The following PPARGC1A variants were observed in gnomAD, a reference collection of about 807,000 sequenced individuals.
The protein encoded by PPARGC1A is peroxisome proliferator-activated receptor gamma coactivator 1-alpha.
Under a neutral mutation model 88.7 loss-of-function variants are expected in PPARGC1A, and 25 were observed. The ratio of observed to expected loss-of-function variants is 0.28; its 90% CI spans 0.21 to 0.39. PPARGC1A has a LOEUF of 0.39. PPARGC1A is among the 10% of genes least tolerant of loss of function. The pLI is 1.00. For missense variants in PPARGC1A, 880 were observed against 968.7 expected (o/e 0.91, Z 1.22); for synonymous variants, 363 against 355.6 (o/e 1.02, Z -0.24).
chr4:24,379,023 G>A, the PPARGC1A span, among the ~76,000 whole-genome samples: 1 of 152,098 alleles, frequency 6.6e-6, no homozygotes, highest in South Asian at 2.1e-4. Flanking sequence ...GACTTGTATT[G>A]TGGTAAATCT....
intron 2 of PPARGC1A, among the ~76,000 whole-genome samples, chr4:23,870,422 A>G (rs1713051905): frequency 6.6e-6 from 1 of 152,220 alleles, no homozygotes; most frequent in Non-Finnish European, 1.5e-5. Context: ...CCAGACTGTC[A>G]TATTTTCAGG....
the PPARGC1A span, among the ~76,000 whole-genome samples, chr4:24,099,962 G>C: frequency 5.1e-5 from 7 of 138,078 alleles, no homozygotes; most frequent in Admixed American, 1.5e-4. Flanking sequence ...CACACACCGG[G>C]GGCCTGTTGT....
At chr4:24,313,078 TG>T in the PPARGC1A span, among the ~76,000 whole-genome samples, 1 of 151,828 alleles carries the variant, frequency 6.6e-6, no homozygotes, top group African/African-American at 2.4e-5. Context: ...AAATGGTGTT[TG>T]AAAACAAACA....
chr4:23,992,203 A>G, the PPARGC1A span, among the ~76,000 whole-genome samples: 1 of 152,072 alleles, frequency 6.6e-6, no homozygotes, highest in Non-Finnish European at 1.5e-5. Context: ...ATAGCTCTGC[A>G]CTAGTACAGA....
At chr4:23,977,028 G>C in the PPARGC1A span, among the ~76,000 whole-genome samples, 1 of 151,456 alleles carries the variant, frequency 6.6e-6, no homozygotes. Context: ...AGGAGGAAAA[G>C]GAGAACAAGA....
At position 23,857,288 on chromosome 4, in the gene PPARGC1A, C is replaced by A. The variant is rs543586934; in HGVS notation, c.235-25537G>T. Among the ~76,000 whole-genome samples, 4 of 150,454 alleles carry A rather than the reference C, an allele frequency of 2.7e-5. No homozygotes were observed. In the South Asian group the frequency reaches 8.5e-4, roughly 32 times the overall value. ...GACAAATGCCAAAGAGATGCAGAAA[C>A]CACAAGATGGAGGACTCGCCTTTGG... On this transcript the variant is annotated intron_variant, in intron 2 of 12. Transcript: ENST00000264867.
the PPARGC1A span, among the ~76,000 whole-genome samples, chr4:24,087,643 C>A: frequency 7.2e-4 from 110 of 152,358 alleles, no homozygotes; most frequent in African/African-American, 2.2e-3. Flanking sequence ...AGTGATCAGG[C>A]TAAGTTTGCC....
chr4:24,469,287 T>C, the PPARGC1A span, among the ~76,000 whole-genome samples: 2 of 152,242 alleles, frequency 1.3e-5, no homozygotes, highest in Non-Finnish European at 1.5e-5. Flanking sequence ...CATGTGCCCA[T>C]GCTCAAATGC....
chr4:24,171,728 ATAT>A, the PPARGC1A span, among the ~76,000 whole-genome samples: 1 of 152,234 alleles, frequency 6.6e-6, no homozygotes, highest in Non-Finnish European at 1.5e-5. Flanking sequence ...CCCTATAAAA[ATAT>A]TAATTCATGA....
intron 9 of PPARGC1A, 34 bp from the exon 10 acceptor site, chr4:23,812,901 C>T: frequency 6.2e-7 from 1 of 1,613,868 alleles, no homozygotes; most frequent in Non-Finnish European, 8.5e-7. Flanking sequence ...AAGTCAACCA[C>T]CTCAATTTTC....
At chr4:23,877,760 T>C (rs1254424361) in intron 2 of PPARGC1A, 1 of 152,242 alleles carries the variant, frequency 6.6e-6, no homozygotes, top group Non-Finnish European at 1.5e-5. Flanking sequence ...AGGAACAATT[T>C]GGCTCTCTGC....
the PPARGC1A span, among the ~76,000 whole-genome samples, chr4:24,121,968 G>A: frequency 6.6e-6 from 1 of 152,252 alleles, no homozygotes; most frequent in Admixed American, 6.5e-5. Flanking sequence ...CGAAGTGACT[G>A]GGAAGAGCGC....
chr4:24,126,233 G>A, the PPARGC1A span, among the ~76,000 whole-genome samples: 54 of 148,698 alleles, frequency 3.6e-4, no homozygotes, highest in South Asian at 1.1e-3. Flanking sequence ...TGCTGAAATC[G>A]TAATTTAAAT....
At chr4:24,373,269 A>G in the PPARGC1A span, among the ~76,000 whole-genome samples, 1 of 152,202 alleles carries the variant, frequency 6.6e-6, no homozygotes, top group Admixed American at 6.5e-5. Flanking sequence ...ATGGAGGAGG[A>G]AAAAGATGAG....
chr4:23,919,784 T>G, the PPARGC1A span, among the ~76,000 whole-genome samples: 3 of 152,166 alleles, frequency 2.0e-5, no homozygotes, highest in African/African-American at 7.2e-5. Context: ...CCCTTTTTCA[T>G]GCACAGATAA....
intron 7 of PPARGC1A, among the ~76,000 whole-genome samples, chr4:23,815,873 G>GA (rs1159099933): frequency 1.3e-5 from 2 of 151,754 alleles, no homozygotes; most frequent in Non-Finnish European, 2.9e-5. Context: ...AAGTTGCAAG[G>GA]AAAAAAATGC....
At chr4:24,149,411 TA>T in the PPARGC1A span, among the ~76,000 whole-genome samples, 4,060 of 147,270 alleles carry the variant, frequency 0.028, 62 homozygotes, top group Middle Eastern at 0.07. Flanking sequence ...ATCTTCTAAT[TA>T]AAAAAAAAAA....
chr4:23,960,556 G>A, the PPARGC1A span, among the ~76,000 whole-genome samples: 1 of 150,488 alleles, frequency 6.6e-6, no homozygotes, highest in Non-Finnish European at 1.5e-5. Flanking sequence ...CAAGACTTGG[G>A]CAGGTAAATC....
At chr4:24,089,389 G>A in the PPARGC1A span, among the ~76,000 whole-genome samples, 365 of 152,246 alleles carry the variant, frequency 2.4e-3, 1 homozygote, top group Middle Eastern at 3.4e-3. Flanking sequence ...AGGTACAGAA[G>A]CAGATGATGC....
Sources: gnomAD v4.1 joint callset for allele counts (sites outside exome capture counted in the v4.1 genomes callset) on GRCh38, gnomAD v4.1.1 for gene constraint, MANE v1.5 for transcripts, NCBI Gene and HGNC (gene_info 2026-07-23, HGNC 2026-07-21) for gene names.